The following PRKN variants were observed in gnomAD, a reference collection of about 807,000 sequenced individuals.
PRKN encodes the protein E3 ubiquitin-protein ligase parkin.
In PRKN, 56 loss-of-function variants were observed where a neutral mutation model predicts 59.5. The ratio of observed to expected loss-of-function variants is 0.94; its 90% CI spans 0.76 to 1.18. The LOEUF (loss-of-function observed/expected upper bound fraction) is 1.18. Ranked by LOEUF, PRKN falls within the 50% of genes most tolerant of loss-of-function variation. The pLI is 0.00. For synonymous variants in PRKN, 250 were observed against 222.1 expected, an observed-to-expected ratio of 1.13 and a Z score of -1.12; for missense variants, 657 against 596.4, an observed-to-expected ratio of 1.10 and a Z score of -1.06.
chr6:162,287,978 C>A (rs1022733537), intron 2 of PRKN, among the ~76,000 whole-genome samples: 2 of 152,148 alleles, frequency 1.3e-5, no homozygotes, highest in Non-Finnish European at 2.9e-5. Flanking sequence ...CCATGACCCA[C>A]AATTTTCCCA....
chr6:162,683,578 T>G (rs1486022476), intron 1 of PRKN, among the ~76,000 whole-genome samples: 1 of 152,120 alleles, frequency 6.6e-6, no homozygotes, highest in Non-Finnish European at 1.5e-5. Flanking sequence ...GGTTTTTGGT[T>G]AGTTTCCTGG....
intron 1 of PRKN, among the ~76,000 whole-genome samples, chr6:162,678,799 G>T (rs1779655073): frequency 6.6e-6 from 1 of 152,044 alleles, no homozygotes; most frequent in South Asian, 2.1e-4. Flanking sequence ...TTTTGAGATG[G>T]AGTCTCTCTC....
chr6:161,646,558 G>T (rs1035404210), intron 7 of PRKN, among the ~76,000 whole-genome samples: 4 of 150,136 alleles, frequency 2.7e-5, no homozygotes, highest in African/African-American at 9.8e-5. Flanking sequence ...AGGAGGTGGC[G>T]TGTCAGTGAG....
intron 4 of PRKN, among the ~76,000 whole-genome samples, chr6:162,108,142 C>T (rs1022250599): frequency 2.0e-5 from 3 of 152,188 alleles, no homozygotes; most frequent in Non-Finnish European, 4.4e-5. Context: ...ACGTCCCACA[C>T]TCCTGCTTCA....
intron 1 of PRKN, among the ~76,000 whole-genome samples, chr6:162,656,392 T>C (rs1261470545): frequency 6.6e-6 from 1 of 152,196 alleles, no homozygotes; most frequent in East Asian, 1.9e-4. Context: ...TTATCTGACA[T>C]TTTATGATCT....
intron 4 of PRKN, among the ~76,000 whole-genome samples, chr6:162,144,614 T>A (rs1781938647): frequency 6.6e-6 from 1 of 152,148 alleles, no homozygotes; most frequent in South Asian, 2.1e-4. Context: ...CACCCCCAGG[T>A]CAACCTTTGG....
At chr6:161,652,948 C>T (rs1397396921) in intron 7 of PRKN, among the ~76,000 whole-genome samples, 2 of 152,194 alleles carry the variant, frequency 1.3e-5, no homozygotes, top group Non-Finnish European at 2.9e-5. Flanking sequence ...TAAACCCAAA[C>T]ATAAAATCTG....
At chr6:161,563,549 A>C (rs1190106367) in intron 8 of PRKN, among the ~76,000 whole-genome samples, 3 of 152,202 alleles carry the variant, frequency 2.0e-5, no homozygotes, top group Non-Finnish European at 2.9e-5. Flanking sequence ...AGGAGTGTTG[A>C]AAGGTGCTAT....
At chr6:162,519,099 G>A (rs551254467) in intron 1 of PRKN, among the ~76,000 whole-genome samples, 1 of 152,042 alleles carries the variant, frequency 6.6e-6, no homozygotes, top group Non-Finnish European at 1.5e-5. Flanking sequence ...GAACCCGGGA[G>A]GCGGAAGTTG....
intron 1 of PRKN, among the ~76,000 whole-genome samples, chr6:162,451,935 C>T (rs908270593): frequency 2.0e-5 from 3 of 152,022 alleles, no homozygotes; most frequent in African/African-American, 7.2e-5. Context: ...CAAGGCAAAT[C>T]ATAGCATAGT....
intron 3 of PRKN, among the ~76,000 whole-genome samples, chr6:162,253,988 C>A (rs747775828): frequency 4.6e-5 from 7 of 152,134 alleles, no homozygotes; most frequent in Non-Finnish European, 1.0e-4. Context: ...TCAAATCATA[C>A]TTTCCTAAGC....
At chr6:162,688,917 C>T (rs112565757) in intron 1 of PRKN, among the ~76,000 whole-genome samples, 1 of 152,256 alleles carries the variant, frequency 6.6e-6, no homozygotes, top group Non-Finnish European at 1.5e-5. Context: ...AACCATAAAG[C>T]TTAGCTTGAC....
intron 6 of PRKN, among the ~76,000 whole-genome samples, chr6:161,935,436 C>T (rs1443750049): frequency 6.6e-6 from 1 of 151,784 alleles, no homozygotes; most frequent in Non-Finnish European, 1.5e-5. Flanking sequence ...TACCTGTAAT[C>T]CCAGCTACTA....
intron 2 of PRKN, among the ~76,000 whole-genome samples, chr6:162,352,565 G>A (rs1784667878): frequency 6.6e-6 from 1 of 152,148 alleles, no homozygotes; most frequent in Non-Finnish European, 1.5e-5. Flanking sequence ...TGGGAGGAGA[G>A]AGACTTTCAG....
At position 161,723,833 on chromosome 6, in the gene PRKN, A is replaced by G. The variant is rs116422361; in HGVS notation, c.871+61939T>C. The stretch of plus-strand genomic sequence containing the variant: ...CTCCTCTCATGGGTGTTTCCTGTGG[A>G]TGCTTCCCTCAAGCTGGTTCAGCAG... On this transcript the variant is annotated intron_variant, in intron 7 of 11. Coordinates refer to ENST00000366898, the MANE Select transcript of PRKN (RefSeq NM_004562.3). Among the ~76,000 whole-genome samples the G allele has an allele frequency of 4.3e-3, 654 of 152,096 alleles. 8 individuals are homozygous for G. Among genetic ancestry groups the G allele is most frequent in the African/African-American group, 0.015 (620 of 41,466 alleles).
At position 161,350,226 on chromosome 6, in the gene PRKN, A is replaced by G. The variant is rs1181469372; in HGVS notation, c.1286-15T>C. On this transcript the variant is annotated splice_polypyrimidine_tract_variant and intron_variant, in intron 11 of 11. Coordinates refer to ENST00000366898, the MANE Select transcript of PRKN (RefSeq NM_004562.3). ...CATGCAGCCTCCTGTTGGGGGCAGA[A>G]AACAAAGGTGTGGTGGGTTCGCAGC... is the stretch of plus-strand genomic sequence containing the variant. 6.3e-7 allele frequency: 1 copy of G among 1,596,134 alleles called. No individual in the cohort carries two copies. Among genetic ancestry groups the G allele is most frequent in the Non-Finnish European group, 8.6e-7 (1 of 1,165,494 alleles).
At chr6:161,642,842 T>C (rs1217585287) in intron 7 of PRKN, among the ~76,000 whole-genome samples, 1 of 152,222 alleles carries the variant, frequency 6.6e-6, no homozygotes, top group African/African-American at 2.4e-5. Context: ...CATGTTTTAT[T>C]ATTTTTAAAA....
At position 162,056,607 on chromosome 6, in the gene PRKN, A is replaced by C. The variant is rs2128286309; in HGVS notation, c.535-2433T>G. On this transcript the variant is annotated intron_variant, in intron 4 of 11. Coordinates refer to ENST00000366898, the MANE Select transcript of PRKN (RefSeq NM_004562.3). This position sits in a 1 kb window ranked among gnomAD's most constrained non-coding sequence, Gnocchi z 4.9. ...AGGACTGAAGCTGCGATGGTTTGAAAAGCCTGCTTTCAAGCTTGGCCCTTG... is the reference window on the plus strand; with the variant it reads ...AGGACTGAAGCTGCGATGGTTTGAACAGCCTGCTTTCAAGCTTGGCCCTTG... 6.6e-6 allele frequency among the ~76,000 whole-genome samples: 1 copy of C among 152,302 alleles called. No homozygotes were observed. The highest frequency in any genetic ancestry group is 1.5e-5 in the Non-Finnish European group (1 of 68,026).
rs1779951903 is a variant in PRKN, at chr6:161,550,254, G to GT, written c.934-1252dup. On this transcript the variant is annotated intron_variant, in intron 8 of 11. Coordinates refer to ENST00000366898, the MANE Select transcript of PRKN (RefSeq NM_004562.3). This position sits in a 1 kb window ranked among gnomAD's most constrained non-coding sequence, Gnocchi z 4.0. The stretch of plus-strand genomic sequence containing the variant: ...AACAGAAGGTGAAGTTGGAGAGTTT[G>GT]TGAGGATCTAGAATATGTAGTTCCC... 6.6e-6 allele frequency among the ~76,000 whole-genome samples: 1 copy of GT among 152,204 alleles called. No individual in the cohort carries two copies. The highest frequency in any genetic ancestry group is 6.5e-5 in the Admixed American group (1 of 15,284).
Sources: gnomAD v4.1 joint callset for allele counts (sites outside exome capture counted in the v4.1 genomes callset) on GRCh38, gnomAD v4.1.1 for gene constraint, Gnocchi (gnomAD v3.1) non-coding constraint, MANE v1.5 for transcripts, NCBI Gene and HGNC (gene_info 2026-07-23, HGNC 2026-07-21) for gene names.